PHF24: variants seen among roughly 807,000 people sequenced by gnomAD.
The protein encoded by PHF24 is Galpha inhibitory interacting protein.
Under a neutral mutation model 42.6 loss-of-function variants are expected in PHF24, and 25 were observed. That is an observed-to-expected ratio of 0.59 (90% CI 0.43 to 0.82). PHF24 has a LOEUF of 0.82. Among genes scored for constraint, PHF24 ranks in the 40% least tolerant of loss-of-function variants. PHF24 has a pLI of 0.00. For synonymous variants in PHF24, 185 were observed against 204.8 expected (o/e 0.90, Z 0.83); for missense variants, 470 against 538.1 (o/e 0.87, Z 1.25).
chr9:34,682,474 T>G, the PHF24 span, among the ~76,000 whole-genome samples: 1 of 151,928 alleles, frequency 6.6e-6, no homozygotes, highest in Admixed American at 6.6e-5. Flanking sequence ...TAAACAAAGG[T>G]GATATTATGT....
the PHF24 span, among the ~76,000 whole-genome samples, chr9:34,702,057 T>C: frequency 2.0e-5 from 3 of 152,040 alleles, no homozygotes; most frequent in Non-Finnish European, 2.9e-5. Flanking sequence ...CAAGGAAATA[T>C]ATTAGGCGCG....
At chr9:34,805,069 A>G in the PHF24 span, among the ~76,000 whole-genome samples, 2 of 152,194 alleles carry the variant, frequency 1.3e-5, no homozygotes, top group East Asian at 1.9e-4. Flanking sequence ...ATAATATTCC[A>G]TTGTATGGAT....
At chr9:34,762,102 G>A in the PHF24 span, among the ~76,000 whole-genome samples, 7 of 152,198 alleles carry the variant, frequency 4.6e-5, no homozygotes, top group Middle Eastern at 0.01. Context: ...ATCATTGTTG[G>A]ACATTTGGGT....
the PHF24 span, among the ~76,000 whole-genome samples, chr9:34,947,830 T>G: frequency 6.6e-6 from 1 of 152,116 alleles, no homozygotes; most frequent in African/African-American, 2.4e-5. Flanking sequence ...AAAAGTTGGC[T>G]GGGCGCGGTG....
At chr9:34,966,129 T>C (rs1412188330) in intron 1 of PHF24, among the ~76,000 whole-genome samples, 1 of 152,210 alleles carries the variant, frequency 6.6e-6, no homozygotes, top group East Asian at 1.9e-4. Flanking sequence ...AAAGCAGAGA[T>C]GGTTTTTAAT....
chr9:34,677,315 T>A, the PHF24 span, among the ~76,000 whole-genome samples: 1 of 151,634 alleles, frequency 6.6e-6, no homozygotes, highest in Non-Finnish European at 1.5e-5. Context: ...CCTAGACTAC[T>A]GGAAAAGCCC....
At chr9:34,879,579 C>T in the PHF24 span, among the ~76,000 whole-genome samples, 5 of 151,878 alleles carry the variant, frequency 3.3e-5, no homozygotes, top group African/African-American at 4.8e-5. Flanking sequence ...GTAGCTGATT[C>T]GATCAAGTGG....
rs192422913 is a variant in PHF24, at chr9:34,958,792, G to A, written c.-5+391G>A. Among the ~76,000 whole-genome samples the A allele has an allele frequency of 9.8e-5, 15 of 152,322 alleles. No homozygotes were observed. The highest frequency in any genetic ancestry group is 3.4e-4 in the African/African-American group (14 of 41,580). On this transcript the variant is annotated intron_variant, in intron 1 of 7. Transcript: ENST00000242315. This position sits in a 1 kb window ranked among gnomAD's most constrained non-coding sequence, Gnocchi z 4.5. ...CATAGGGGAGCCGCAGGAACCTCGA[G>A]GTGGTGGAGCCCCCAGAGGGCTCCC...
chr9:34,794,977 T>C, the PHF24 span, among the ~76,000 whole-genome samples: 1 of 151,864 alleles, frequency 6.6e-6, no homozygotes, highest in Non-Finnish European at 1.5e-5. Context: ...TTCAAGAAGC[T>C]CAATGGACCC....
the PHF24 span, among the ~76,000 whole-genome samples, chr9:34,792,098 T>G: frequency 6.6e-6 from 1 of 152,180 alleles, no homozygotes; most frequent in Non-Finnish European, 1.5e-5. Context: ...TTATTTTCAG[T>G]TAAATAATCA....
At chr9:34,945,162 T>TGAA in the PHF24 span, among the ~76,000 whole-genome samples, 2 of 152,202 alleles carry the variant, frequency 1.3e-5, no homozygotes, top group Non-Finnish European at 2.9e-5. Context: ...CTTTAGCACC[T>TGAA]GTACCACCAC....
chr9:34,768,023 A>C, the PHF24 span, among the ~76,000 whole-genome samples: 1 of 152,212 alleles, frequency 6.6e-6, no homozygotes, highest in Non-Finnish European at 1.5e-5. Context: ...GAACTCAGAC[A>C]TTGGTCCACC....
the PHF24 span, among the ~76,000 whole-genome samples, chr9:34,716,628 C>T: frequency 4.6e-5 from 7 of 151,830 alleles, no homozygotes; most frequent in East Asian, 1.4e-3. Flanking sequence ...TCACTCTTGT[C>T]ACCCAGGCTG....
the PHF24 span, among the ~76,000 whole-genome samples, chr9:34,875,372 G>T: frequency 6.6e-6 from 1 of 152,136 alleles, no homozygotes; most frequent in Non-Finnish European, 1.5e-5. Flanking sequence ...TCCTAAGGCT[G>T]TATTTTTCAA....
At chr9:34,719,285 C>T in the PHF24 span, among the ~76,000 whole-genome samples, 60,436 of 152,098 alleles carry the variant, frequency 0.4, 14,108 homozygotes, top group East Asian at 0.63. Flanking sequence ...GTGATCCACC[C>T]GCCTCGGCCT....
chr9:34,798,791 C>T, the PHF24 span, among the ~76,000 whole-genome samples: 1 of 152,134 alleles, frequency 6.6e-6, no homozygotes, highest in Non-Finnish European at 1.5e-5. Flanking sequence ...CTCTTCTTTT[C>T]ACAGTGTTTG....
intron 4 of PHF24, 96 bp from the exon 5 acceptor site, chr9:34,976,439 T>C: frequency 7.7e-7 from 1 of 1,293,888 alleles, no homozygotes; most frequent in Non-Finnish European, 1.1e-6. Context: ...TAGCAAGAGC[T>C]GTGGGTTTGG....
the PHF24 span, among the ~76,000 whole-genome samples, chr9:34,773,062 C>T: frequency 6.6e-6 from 1 of 151,376 alleles, no homozygotes; most frequent in East Asian, 1.9e-4. Context: ...GCGATCTCGG[C>T]TCACCGCAAC....
chr9:34,780,032 T>C, the PHF24 span, among the ~76,000 whole-genome samples: 2 of 151,778 alleles, frequency 1.3e-5, no homozygotes, highest in Non-Finnish European at 2.9e-5. Flanking sequence ...AGCTGGTCAG[T>C]TGATTTTTGA....
Sources: allele counts gnomAD v4.1 joint callset (sites outside exome capture counted in the v4.1 genomes callset), GRCh38; gene constraint gnomAD v4.1.1; non-coding constraint Gnocchi (gnomAD v3.1); transcripts MANE v1.5; gene names NCBI Gene and HGNC (gene_info 2026-07-23, HGNC 2026-07-21).